Variants in RNF128 observed in about 807,000 individuals in gnomAD.
RNF128 encodes the protein E3 ubiquitin-protein ligase RNF128.
RNF128 carries 13 observed loss-of-function variants against 26.2 expected under a neutral mutation model. The observed-to-expected ratio is 0.50, with a 90% CI of 0.32 to 0.79. RNF128 has a LOEUF of 0.79. Ranked by LOEUF, RNF128 falls within the 30% of genes least tolerant of loss-of-function variation. The pLI, the probability that RNF128 is intolerant of heterozygous loss-of-function variation, is 0.03. For missense variants in RNF128, 315 were observed against 349.7 expected (o/e 0.90, Z 0.79); for synonymous variants, 149 against 142.5 (o/e 1.05, Z -0.32).
chrX:106,707,768 G>T (rs1297891799), intron 1 of RNF128, among the ~76,000 whole-genome samples: 2 of 109,838 alleles, frequency 1.8e-5, no homozygotes, highest in Non-Finnish European at 3.8e-5. Flanking sequence ...AAAGCTGTAG[G>T]GTCTTTGAGT....
intron 1 of RNF128, among the ~76,000 whole-genome samples, chrX:106,713,534 C>G (rs778430380): frequency 9.0e-6 from 1 of 111,419 alleles, no homozygotes; most frequent in African/African-American, 3.3e-5. Context: ...AAATCTTATT[C>G]TGAATGTTCT....
At chrX:106,734,030 G>A (rs982573343) in intron 1 of RNF128, among the ~76,000 whole-genome samples, 7 of 111,790 alleles carry the variant, frequency 6.3e-5, no homozygotes, top group African/African-American at 2.3e-4. Context: ...TCTGTATATA[G>A]ATATATTATT....
intron 1 of RNF128, among the ~76,000 whole-genome samples, chrX:106,752,080 A>T (rs1191028070): frequency 9.8e-6 from 1 of 102,292 alleles, no homozygotes; most frequent in Non-Finnish European, 2.0e-5. Flanking sequence ...CTGACTCCAG[A>T]CCCTACCTCC....
At position 106,727,321 on chromosome X, in the gene RNF128, T is replaced by C; in HGVS notation, c.408T>C (p.Tyr136=). The C allele has an allele frequency of 8.3e-7, 1 of 1,211,584 alleles. No individual in the cohort carries two copies. Among genetic ancestry groups the C allele is most frequent in the Non-Finnish European group, 1.1e-6 (1 of 895,395 alleles). ...CTFADKIHLA[Y]ERGASGAVIF... ...TCGCAGACAAGATCCATCTGGCTTATGAGAGAGGGGCGTCTGGAGCCGTCA... is the reference window on the plus strand; with the variant it reads ...TCGCAGACAAGATCCATCTGGCTTACGAGAGAGGGGCGTCTGGAGCCGTCA... Residue 136 remains tyrosine, a synonymous_variant, in exon 1 of 7, where the codon TAT becomes TAC. Transcript: ENST00000255499.
chrX:106,712,701 G>T lies in RNF128; in HGVS notation c.406+18293G>T, dbSNP rs756492880. ...TAACTGAGTTAAAAGTTAAGTAAAA[G>T]GGTTATTTTAATAACCCTTTGCCAC... On this transcript the variant is annotated intron_variant, in intron 1 of 6. Coordinates refer to the RNF128 transcript ENST00000324342. Among the ~76,000 whole-genome samples, 30 of 110,452 alleles carry T rather than the reference G, an allele frequency of 2.7e-4. 2 individuals are homozygous for T. The South Asian group carries it at 0.01, about 37-fold the overall frequency.
At chrX:106,752,203 G>C (rs1421795660) in intron 1 of RNF128, among the ~76,000 whole-genome samples, 1 of 110,729 alleles carries the variant, frequency 9.0e-6, no homozygotes, top group African/African-American at 3.3e-5. Flanking sequence ...CTTGGGCCTT[G>C]AACAAACAGC....
chrX:106,795,253 G>C (rs1930894757), intron 6 of RNF128, among the ~76,000 whole-genome samples: 1 of 111,574 alleles, frequency 9.0e-6, no homozygotes. Flanking sequence ...TGATTGAAAT[G>C]TATAGCCAGA....
At chrX:106,716,528 A>G (rs1046237351) in intron 1 of RNF128, among the ~76,000 whole-genome samples, 1 of 111,520 alleles carries the variant, frequency 9.0e-6, no homozygotes, top group Non-Finnish European at 1.9e-5. Flanking sequence ...TGGTTAAATG[A>G]CTGTATATAT....
chrX:106,749,377 A>G (rs191366910), intron 1 of RNF128, among the ~76,000 whole-genome samples: 278 of 112,171 alleles, frequency 2.5e-3, no homozygotes, highest in African/African-American at 8.8e-3. Context: ...CCAATATTTT[A>G]AGGATAGAAA....
chrX:106,726,895 A>C lies in RNF128; in HGVS notation c.-19A>C. The stretch of plus-strand genomic sequence containing the variant: ...GGGCGCGTGCCAGGGGCGCTAGGGA[A>C]CTGCGGAGCGCGCGCGCCATGGGGC... On this transcript the variant is annotated 5_prime_UTR_variant, in exon 1 of 7. Transcript: ENST00000255499. 2 of 1,156,791 alleles carry C rather than the reference A, an allele frequency of 1.7e-6. No homozygotes were observed. The highest frequency in any genetic ancestry group is 2.3e-6 in the Non-Finnish European group (2 of 869,920).
upstream of RNF128, among the ~76,000 whole-genome samples, chrX:106,725,306 A>G (rs1253934685): frequency 9.0e-6 from 1 of 111,657 alleles, no homozygotes. Flanking sequence ...TTGCACATTT[A>G]TTTATGTTCT....
At chrX:106,712,882 C>CTTTTT (rs770554444) in intron 1 of RNF128, among the ~76,000 whole-genome samples, 1 of 95,174 alleles carries the variant, frequency 1.1e-5, no homozygotes, top group African/African-American at 4.1e-5. Context: ...GATAAAGTTA[C>CTTTTT]TTTTTTTTTT....
chrX:106,744,079 G>T (rs773294806), intron 1 of RNF128, among the ~76,000 whole-genome samples: 1 of 104,368 alleles, frequency 9.6e-6, no homozygotes, highest in Non-Finnish European at 2.0e-5. Context: ...CAGGAAGGGG[G>T]ACATCACACA....
chrX:106,705,346 A>G (rs905234050), intron 1 of RNF128, among the ~76,000 whole-genome samples: 1 of 112,187 alleles, frequency 8.9e-6, no homozygotes, highest in African/African-American at 3.2e-5. Context: ...GTTTGTTATG[A>G]CTAATGCTAA....
intron 1 of RNF128, among the ~76,000 whole-genome samples, chrX:106,765,655 T>G (rs1407884832): frequency 9.0e-6 from 1 of 111,651 alleles, no homozygotes; most frequent in Non-Finnish European, 1.9e-5. Flanking sequence ...AGACATTCAG[T>G]ATTTTTGTAT....
chrX:106,727,319 TATG>T lies in RNF128; in HGVS notation c.408_410del (p.Tyr136_Glu137delinsTer). 1 of 1,211,230 alleles carries T rather than the reference TATG, an allele frequency of 8.3e-7. No individual in the cohort carries two copies. Among genetic ancestry groups the T allele is most frequent in the Non-Finnish European group, 1.1e-6 (1 of 895,280 alleles). ...CTTCGCAGACAAGATCCATCTGGCT[TATG>T]AGAGAGGGGCGTCTGGAGCCGTCAT... is the stretch of plus-strand genomic sequence containing the variant. On this transcript the variant is annotated stop_gained and inframe_deletion, in exon 1 of 7. Coordinates refer to ENST00000255499, the MANE Select transcript of RNF128 (RefSeq NM_194463.2). LOFTEE classifies it high-confidence loss of function.
intron 1 of RNF128, among the ~76,000 whole-genome samples, chrX:106,749,596 T>G (rs1209745907): frequency 8.9e-6 from 1 of 111,899 alleles, no homozygotes; most frequent in African/African-American, 3.2e-5. Context: ...GTGCATGGGT[T>G]TTCACTAGTT....
chrX:106,745,485 G>A (rs986911044), intron 1 of RNF128, among the ~76,000 whole-genome samples: 6 of 111,675 alleles, frequency 5.4e-5, no homozygotes, highest in African/African-American at 1.9e-4. Context: ...AAAGAAATAC[G>A]TGAGGCCAGG....
intron 2 of RNF128, 85 bp from the exon 3 acceptor site, chrX:106,784,976 GATAA>G (rs368829539): frequency 4.2e-5 from 27 of 639,028 alleles, no homozygotes; most frequent in African/African-American, 3.0e-4. Flanking sequence ...ACTTTTACCT[GATAA>G]ATATTTATTG....
Sources: allele counts gnomAD v4.1 joint callset (sites outside exome capture counted in the v4.1 genomes callset), GRCh38; gene constraint gnomAD v4.1.1; transcripts MANE v1.5; gene names NCBI Gene and HGNC (gene_info 2026-07-23, HGNC 2026-07-21).